The following ATP10B variants were observed in gnomAD, a reference collection of about 807,000 sequenced individuals.
ATP10B encodes ATPase phospholipid transporting 10B (putative).
In ATP10B, 122 loss-of-function variants were observed where a neutral mutation model predicts 141.2. The ratio of observed to expected loss-of-function variants is 0.86; its 90% CI spans 0.75 to 1.00. The LOEUF (loss-of-function observed/expected upper bound fraction) is 1.00. Among genes scored for constraint, ATP10B ranks in the 50% least tolerant of loss-of-function variants. The pLI, the probability that ATP10B is intolerant of heterozygous loss-of-function variation, is 0.00. For missense variants in ATP10B, 1,876 were observed against 1,825.3 expected (o/e 1.03, Z -0.51); for synonymous variants, 685 against 692.0 (o/e 0.99, Z 0.16).
At chr5:160,769,783 C>A (rs192331052) in intron 2 of ATP10B, among the ~76,000 whole-genome samples, 1 of 152,176 alleles carries the variant, frequency 6.6e-6, no homozygotes. Context: ...AGTAGCATTG[C>A]CATAGCACAA....
At chr5:160,907,434 G>C in the ATP10B span, among the ~76,000 whole-genome samples, 1 of 151,982 alleles carries the variant, frequency 6.6e-6, no homozygotes, top group Non-Finnish European at 1.5e-5. Flanking sequence ...GCAGTGGTAT[G>C]ATCAAATGCA....
chr5:160,653,664 CATATATATTAT>C (rs1381034710), intron 7 of ATP10B, among the ~76,000 whole-genome samples: 1 of 112,550 alleles, frequency 8.9e-6, no homozygotes, highest in East Asian at 2.3e-4. Flanking sequence ...TACATATATA[CATATATATTAT>C]ATATACATAT....
At chr5:160,578,129 T>C (rs991768996) in intron 24 of ATP10B, among the ~76,000 whole-genome samples, 2 of 152,294 alleles carry the variant, frequency 1.3e-5, no homozygotes, top group Admixed American at 6.5e-5. Context: ...TCAATTTAGT[T>C]AAACATCTCA....
chr5:160,866,111 CATGT>C, the ATP10B span, among the ~76,000 whole-genome samples: 1 of 152,024 alleles, frequency 6.6e-6, no homozygotes, highest in Admixed American at 6.6e-5. Flanking sequence ...GACATATGCA[CATGT>C]ATGTTTATAG....
At chr5:160,756,377 T>G (rs899441784) in intron 2 of ATP10B, among the ~76,000 whole-genome samples, 70 of 152,324 alleles carry the variant, frequency 4.6e-4, no homozygotes, top group Non-Finnish European at 8.7e-4. Flanking sequence ...TCTTTTCTCT[T>G]GGATAAATAC....
rs78114190 is a variant in ATP10B at position 160,838,301 on chromosome 5, C to A, written c.-576+13640G>T. Among the ~76,000 whole-genome samples, 914 of 152,222 alleles carry A rather than the reference C, an allele frequency of 6.0e-3. 13 individuals are homozygous for A. The highest frequency in any genetic ancestry group is 0.021 in the African/African-American group (871 of 41,534). Reference sequence around the variant, plus strand: ...CAGGGAGCATAAGAAAACAGCCCACCTACACCATCAGAAAAACATGTAGAT... The same window carrying A: ...CAGGGAGCATAAGAAAACAGCCCACATACACCATCAGAAAAACATGTAGAT... On this transcript the variant is annotated intron_variant, in intron 1 of 25. Coordinates refer to ENST00000327245, the MANE Select transcript of ATP10B (RefSeq NM_025153.3).
intron 18 of ATP10B, among the ~76,000 whole-genome samples, chr5:160,608,238 G>T (rs1757510726): frequency 6.6e-6 from 1 of 152,166 alleles, no homozygotes. Context: ...CTTCATCCAT[G>T]TCGCTACAAA....
At chr5:160,579,465 T>G (rs1561620994) in intron 24 of ATP10B, among the ~76,000 whole-genome samples, 1 of 152,208 alleles carries the variant, frequency 6.6e-6, no homozygotes, top group African/African-American at 2.4e-5. Context: ...TTGTCAAAGA[T>G]CAGATGGTTG....
At chr5:160,586,060 A>G (rs1377966186) in intron 24 of ATP10B, among the ~76,000 whole-genome samples, 2 of 152,220 alleles carry the variant, frequency 1.3e-5, no homozygotes, top group Admixed American at 6.5e-5. Flanking sequence ...TGCTGCATCT[A>G]TCAACCTGTC....
intron 2 of ATP10B, among the ~76,000 whole-genome samples, chr5:160,727,289 A>G (rs1243136040): frequency 6.6e-6 from 1 of 152,248 alleles, no homozygotes; most frequent in Non-Finnish European, 1.5e-5. Flanking sequence ...CATTTTCCAC[A>G]GGAGAAAACT....
chr5:160,846,812 G>C (rs976188663), intron 1 of ATP10B, among the ~76,000 whole-genome samples: 2 of 152,140 alleles, frequency 1.3e-5, no homozygotes, highest in Admixed American at 1.3e-4. Context: ...TCCCATGTTG[G>C]CTCTGTCTCT....
Position 160,622,510 on chromosome 5 carries a change from C to G in ATP10B, c.1696G>C (p.Asp566His), listed in dbSNP as rs1432470938. The G allele has an allele frequency of 6.2e-7, 1 of 1,614,040 alleles. No individual in the cohort carries two copies. Among genetic ancestry groups the G allele is most frequent in the Non-Finnish European group, 8.5e-7 (1 of 1,180,020 alleles). Residue 566 changes from aspartate to histidine, a missense_variant, in exon 14 of 26, where the codon GAC becomes CAC. By Grantham distance (81) the Asp-to-His change is moderately conservative. Coordinates refer to ENST00000327245, the MANE Select transcript of ATP10B (RefSeq NM_025153.3). ...AGGGAAGCCTTGGCAGGTCTGCTGT[C>G]TGACAAGGTCTCCAACCACAGGGCA... Reference protein sequence around the residue: ...DAALWLETLSDSRPAKASLST... With the variant: ...DAALWLETLSHSRPAKASLST...
intron 1 of ATP10B, among the ~76,000 whole-genome samples, chr5:160,844,065 A>T (rs2127988952): frequency 6.6e-6 from 1 of 152,286 alleles, no homozygotes; most frequent in African/African-American, 2.4e-5. Flanking sequence ...ATTAAGGGTT[A>T]TTTTGAGTAA....
chr5:160,598,627 T>G (rs528651795), intron 22 of ATP10B, 143 bp downstream of exon 22: 4 of 721,972 alleles, frequency 5.5e-6, no homozygotes, highest in East Asian at 2.6e-5. Context: ...GAGAGAGGAG[T>G]TACTCAAAGT....
At chr5:160,576,888 C>G (rs1170899933) in intron 24 of ATP10B, among the ~76,000 whole-genome samples, 1 of 152,058 alleles carries the variant, frequency 6.6e-6, no homozygotes, top group Non-Finnish European at 1.5e-5. Context: ...CAATGGGGAA[C>G]CATGGTAGGA....
At chr5:160,900,211 T>C in the ATP10B span, among the ~76,000 whole-genome samples, 2 of 152,214 alleles carry the variant, frequency 1.3e-5, no homozygotes, top group Admixed American at 6.5e-5. Flanking sequence ...AAGACATCCC[T>C]ACCCCTTTGA....
chr5:160,843,589 G>A (rs956846654), intron 1 of ATP10B, among the ~76,000 whole-genome samples: 1 of 151,596 alleles, frequency 6.6e-6, no homozygotes, highest in Non-Finnish European at 1.5e-5. Context: ...CTGAAAATCT[G>A]CAGTTCATTA....
At chr5:160,590,207 C>T (rs1307210295) in intron 23 of ATP10B, among the ~76,000 whole-genome samples, 11 of 151,982 alleles carry the variant, frequency 7.2e-5, no homozygotes, top group Admixed American at 6.6e-5. Context: ...TGAACACAGA[C>T]GGTTTGTAGA....
intron 1 of ATP10B, among the ~76,000 whole-genome samples, chr5:160,830,991 A>ACACTCT (rs58169610): frequency 1.3e-5 from 2 of 150,686 alleles, no homozygotes; most frequent in African/African-American, 4.9e-5. Context: ...ACACACACAC[A>ACACTCT]CACACACAGA....
Sources: allele counts gnomAD v4.1 joint callset (sites outside exome capture counted in the v4.1 genomes callset), GRCh38; gene constraint gnomAD v4.1.1; transcripts MANE v1.5; gene names NCBI Gene and HGNC (gene_info 2026-07-23, HGNC 2026-07-21).